The following PPP2CB variants were observed in gnomAD, a reference collection of about 807,000 sequenced individuals.
PPP2CB encodes the protein serine/threonine-protein phosphatase 2A catalytic subunit beta isoform.
Under a neutral mutation model 39.1 loss-of-function variants are expected in PPP2CB, and 18 were observed. The ratio of observed to expected loss-of-function variants is 0.46; its 90% CI spans 0.32 to 0.68. The LOEUF (loss-of-function observed/expected upper bound fraction) is 0.68, where lower values mean the gene tolerates loss of function less well. Among genes scored for constraint, PPP2CB ranks in the 30% least tolerant of loss-of-function variants. The pLI is 0.04. For synonymous variants in PPP2CB, 129 were observed against 133.8 expected (o/e 0.96, Z 0.25); for missense variants, 226 against 396.9 (o/e 0.57, Z 3.66).
chr8:30,786,742 C>G (rs545688839), intron 6 of PPP2CB, among the ~76,000 whole-genome samples: 2 of 147,988 alleles, frequency 1.4e-5, no homozygotes, highest in Non-Finnish European at 3.0e-5. Flanking sequence ...CGGCTTATTG[C>G]AAGCTCCGCC....
chr8:30,803,877 C>G (rs892116290), intron 1 of PPP2CB, among the ~76,000 whole-genome samples: 1 of 150,760 alleles, frequency 6.6e-6, no homozygotes, highest in African/African-American at 2.4e-5. Context: ...AGTGCAGTGG[C>G]GCGATCTCCA....
chr8:30,808,418 C>G (rs1421057870), intron 1 of PPP2CB, among the ~76,000 whole-genome samples: 1 of 151,868 alleles, frequency 6.6e-6, no homozygotes, highest in African/African-American at 2.4e-5. Flanking sequence ...AGTTTTTAGG[C>G]AATCTGAATT....
At chr8:30,794,447 ATCCT>A in intron 3 of PPP2CB, 166 bp from the exon 4 acceptor site, 3 of 550,084 alleles carry the variant, frequency 5.5e-6, no homozygotes, top group Non-Finnish European at 9.2e-6. Flanking sequence ...TGGTATCCCC[ATCCT>A]TGGGGACCCA....
chr8:30,812,408 G>T lies in PPP2CB; in HGVS notation c.14C>A (p.Ala5Glu). 1 of 1,536,626 alleles carries T rather than the reference G, an allele frequency of 6.5e-7. No homozygotes were observed. The highest frequency in any genetic ancestry group is 8.8e-7 in the Non-Finnish European group (1 of 1,137,614). The change falls in exon 1 of 7, where the codon GCG becomes GAG. Residue 5 changes from alanine to glutamate, a missense_variant. Ala to Glu is a moderately radical substitution (Grantham distance 107). Transcript: ENST00000221138. MDDKAFTKELDQWVE... is the reference protein window; with the variant it reads MDDKEFTKELDQWVE... ...CCACTGGTCCAGCTCCTTGGTGAACGCCTTGTCGTCCATGGCGGCCCGATC... is the reference window on the plus strand; with the variant it reads ...CCACTGGTCCAGCTCCTTGGTGAACTCCTTGTCGTCCATGGCGGCCCGATC...
At chr8:30,800,875 A>C (rs1219209433) in intron 1 of PPP2CB, among the ~76,000 whole-genome samples, 1 of 152,182 alleles carries the variant, frequency 6.6e-6, no homozygotes, top group Non-Finnish European at 1.5e-5. Flanking sequence ...ACAGAATGCA[A>C]ACCGAGAGGA....
At chr8:30,806,897 C>A (rs1396917695) in intron 1 of PPP2CB, among the ~76,000 whole-genome samples, 1 of 151,980 alleles carries the variant, frequency 6.6e-6, no homozygotes. Context: ...TGTTAAAGGG[C>A]AGTATTAAGT....
chr8:30,798,667 T>C (rs977379099), intron 2 of PPP2CB, among the ~76,000 whole-genome samples: 3 of 152,204 alleles, frequency 2.0e-5, no homozygotes, highest in African/African-American at 7.2e-5. Context: ...CCCATGACCA[T>C]GTAATATATG....
At chr8:30,807,828 G>C (rs1415920930) in intron 1 of PPP2CB, among the ~76,000 whole-genome samples, 1 of 152,214 alleles carries the variant, frequency 6.6e-6, no homozygotes, top group Non-Finnish European at 1.5e-5. Context: ...GCACACACAA[G>C]AGGAGTCAAA....
chr8:30,812,618 A>G lies in PPP2CB; in HGVS notation c.-197T>C, dbSNP rs1336902012. 6.1e-6 allele frequency: 2 copies of G among 328,818 alleles called. No individual in the cohort carries two copies. Among genetic ancestry groups the G allele is most frequent in the Non-Finnish European group, 1.1e-5 (2 of 185,194 alleles). The allele number at this position is 328,818 out of a possible 1,614,324, so 20.4% of individuals were successfully genotyped here. Reference sequence around the variant, plus strand: ...CGCCCAAGCCCAGCAGGCGGCTCCGAGCGCGCAGCCTGGAGGAGACCCCCG... The same window carrying G: ...CGCCCAAGCCCAGCAGGCGGCTCCGGGCGCGCAGCCTGGAGGAGACCCCCG... On this transcript the variant is annotated 5_prime_UTR_variant, in exon 1 of 7. Transcript: ENST00000221138.
chr8:30,792,171 C>T (rs1806448486), intron 5 of PPP2CB, among the ~76,000 whole-genome samples: 1 of 151,752 alleles, frequency 6.6e-6, no homozygotes, highest in Non-Finnish European at 1.5e-5. Flanking sequence ...ATTCTCCTGC[C>T]TCAGCCCCGA....
intron 1 of PPP2CB, among the ~76,000 whole-genome samples, chr8:30,806,593 T>C (rs1328433860): frequency 6.6e-6 from 1 of 152,214 alleles, no homozygotes; most frequent in African/African-American, 2.4e-5. Context: ...ATATCATTCT[T>C]CTTAGAAAAA....
chr8:30,812,394 G>C lies in PPP2CB; in HGVS notation c.28C>G (p.Leu10Val), dbSNP rs778261731. 3 of 1,544,678 alleles carry C rather than the reference G, an allele frequency of 1.9e-6. No individual in the cohort carries two copies. The highest frequency in any genetic ancestry group is 2.6e-6 in the Non-Finnish European group (3 of 1,141,418). MDDKAFTKELDQWVEQLNEC... is the reference protein window; with the variant it reads MDDKAFTKEVDQWVEQLNEC... ...TTCAGCTGCTCGACCCACTGGTCCAGCTCCTTGGTGAACGCCTTGTCGTCC... is the reference window on the plus strand; with the variant it reads ...TTCAGCTGCTCGACCCACTGGTCCACCTCCTTGGTGAACGCCTTGTCGTCC... Residue 10 changes from leucine (L) to valine (V), a missense_variant, in exon 1 of 7, where the codon CTG becomes GTG. By Grantham distance (32) the Leu-to-Val change is conservative. Coordinates refer to ENST00000221138, the MANE Select transcript of PPP2CB (RefSeq NM_001009552.2).
intron 2 of PPP2CB, among the ~76,000 whole-genome samples, chr8:30,799,301 A>G (rs780755024): frequency 2.0e-5 from 3 of 152,224 alleles, no homozygotes; most frequent in African/African-American, 2.4e-5. Context: ...AATATAACGG[A>G]TAAGTGATAA....
chr8:30,790,957 G>C, intron 6 of PPP2CB: 1 of 367,906 alleles, frequency 2.7e-6, no homozygotes, highest in Non-Finnish European at 4.8e-6. Flanking sequence ...TATTATTACT[G>C]AGATTTAGTA....
chr8:30,786,331 A>C, intron 6 of PPP2CB, 24 bp from the exon 7 acceptor site: 1 of 1,540,382 alleles, frequency 6.5e-7, no homozygotes, highest in Non-Finnish European at 8.8e-7. Flanking sequence ...AAAAGGAAGC[A>C]AATAAAGGAT....
chr8:30,789,212 T>A (rs551259790), intron 6 of PPP2CB, among the ~76,000 whole-genome samples: 1 of 152,344 alleles, frequency 6.6e-6, no homozygotes, highest in African/African-American at 2.4e-5. Flanking sequence ...GTATTTTTAA[T>A]AGAGACTGGG....
At chr8:30,799,083 T>C (rs1038844037) in intron 2 of PPP2CB, among the ~76,000 whole-genome samples, 1 of 152,164 alleles carries the variant, frequency 6.6e-6, no homozygotes, top group Admixed American at 6.5e-5. Flanking sequence ...CAACAGGAAG[T>C]AACAATATAA....
rs1806329720 is a variant in PPP2CB, at chr8:30,785,820, A to C, written c.*415T>G. 3.2e-6 allele frequency: 1 copy of C among 307,866 alleles called. No homozygotes were observed. Among genetic ancestry groups the C allele is most frequent in the Non-Finnish European group, 6.4e-6 (1 of 156,822 alleles). 19.1% of individuals were successfully genotyped at this position (307,866 alleles called of 1,614,324 possible). ...TTAATTATACATTTCAATAAAATAA[A>C]GGATAATGGATTAGTGGAAGTTAGC... On this transcript the variant is annotated 3_prime_UTR_variant, in exon 7 of 7. Transcript: ENST00000221138.
intron 3 of PPP2CB, among the ~76,000 whole-genome samples, chr8:30,797,297 T>TA: frequency 6.6e-6 from 1 of 152,386 alleles, no homozygotes; most frequent in Middle Eastern, 3.4e-3. Context: ...ATCAGTGTCT[T>TA]AAACATTTAT....
Sources: gnomAD v4.1 joint callset for allele counts (sites outside exome capture counted in the v4.1 genomes callset) on GRCh38, gnomAD v4.1.1 for gene constraint, MANE v1.5 for transcripts, NCBI Gene and HGNC (gene_info 2026-07-23, HGNC 2026-07-21) for gene names.